ADRA1A: variants seen among roughly 807,000 people sequenced by gnomAD.
ADRA1A encodes the protein alpha-1A adrenergic receptor.
In ADRA1A, 31 loss-of-function variants were observed where a neutral mutation model predicts 29.6. The observed-to-expected ratio is 1.05, with a 90% CI of 0.79 to 1.41. The LOEUF (loss-of-function observed/expected upper bound fraction) is 1.41. Among genes scored for constraint, ADRA1A ranks in the 40% most tolerant of loss-of-function variants. The probability of loss-of-function intolerance (pLI) is 0.00; values close to 1 mark genes in which losing one functional copy is unlikely to be tolerated. For synonymous variants in ADRA1A, 311 were observed against 254.3 expected (o/e 1.22, Z -2.12); for missense variants, 619 against 601.1 (o/e 1.03, Z -0.31).
chr8:26,854,432 G>GC (rs1554512930), intron 2 of ADRA1A: 5 of 110,106 alleles, frequency 4.5e-5, no homozygotes, highest in Non-Finnish European at 7.3e-5. Flanking sequence ...GCGGGGGGGG[G>GC]GAGCAGGCAG....
At chr8:26,851,661 GA>G (rs1235688911) in intron 2 of ADRA1A, among the ~76,000 whole-genome samples, 1 of 151,966 alleles carries the variant, frequency 6.6e-6, no homozygotes, top group Non-Finnish European at 1.5e-5. Context: ...GCATATCCAG[GA>G]AAAATAATTA....
chr8:26,791,397 T>A (rs950969903), intron 2 of ADRA1A, among the ~76,000 whole-genome samples: 2 of 152,148 alleles, frequency 1.3e-5, no homozygotes, highest in Non-Finnish European at 2.9e-5. Context: ...AATTGCTCTC[T>A]GGAGAGGCTA....
chr8:26,811,833 G>A (rs780460527), intron 2 of ADRA1A, among the ~76,000 whole-genome samples: 1 of 152,134 alleles, frequency 6.6e-6, no homozygotes, highest in Non-Finnish European at 1.5e-5. Flanking sequence ...CACGTGGAAC[G>A]TACTATTTGT....
intron 2 of ADRA1A, chr8:26,853,933 G>A (rs1211083191): frequency 6.6e-6 from 1 of 151,948 alleles, no homozygotes; most frequent in Admixed American, 6.6e-5. Context: ...ATATGTATAA[G>A]GATTATAATA....
chr8:26,782,665 C>A (rs1457973814), intron 2 of ADRA1A, among the ~76,000 whole-genome samples: 3 of 152,122 alleles, frequency 2.0e-5, no homozygotes, highest in South Asian at 2.1e-4. Context: ...AAGGTCAGGG[C>A]AGCTCATTCA....
intron 2 of ADRA1A, among the ~76,000 whole-genome samples, chr8:26,782,895 CT>C (rs1213228216): frequency 6.6e-6 from 1 of 152,158 alleles, no homozygotes; most frequent in East Asian, 1.9e-4. Context: ...CTTCCTCTCA[CT>C]TGTCCAAGCC....
At chr8:26,808,512 A>G (rs1305460178) in intron 2 of ADRA1A, among the ~76,000 whole-genome samples, 1 of 152,192 alleles carries the variant, frequency 6.6e-6, no homozygotes, top group East Asian at 1.9e-4. Context: ...TTAGGACTCT[A>G]TAGATCACTT....
In ADRA1A at chr8:26,821,937, C is replaced by T. The variant is rs765376590; in HGVS notation, c.883+42150G>A. ...GAATGTTGCACATATCAATAGCTTG[C>T]TATTTTTTATTGCTAAGTAGGGGTG... On this transcript the variant is annotated intron_variant, in intron 2 of 2. Coordinates refer to ENST00000380573, the MANE Select transcript of ADRA1A (RefSeq NM_000680.4). This position sits in a 1 kb window ranked among gnomAD's most constrained non-coding sequence, Gnocchi z 5.6. Among the ~76,000 whole-genome samples the T allele has an allele frequency of 6.6e-6, 1 of 152,166 alleles. No homozygotes were observed.
chr8:26,838,760 G>T (rs1183155574), intron 2 of ADRA1A, among the ~76,000 whole-genome samples: 1 of 152,228 alleles, frequency 6.6e-6, no homozygotes, highest in Non-Finnish European at 1.5e-5. Flanking sequence ...AAGGTACTGT[G>T]TGCAAGTCCC....
intron 2 of ADRA1A, chr8:26,854,426 G>GA (rs72498072): frequency 1.7e-5 from 2 of 118,150 alleles, no homozygotes; most frequent in Admixed American, 8.4e-5. Flanking sequence ...AGCGGGGCGG[G>GA]GGGGGGGAGC....
Position 26,768,988 on chromosome 8 carries a change from T to A in ADRA1A, c.*1161A>T, listed in dbSNP as rs544991855. ...CAAACTCCTGCGTTAGACAGTTCTT[T>A]GGTGATCCATCAGTATTGTCTGAAG... is the stretch of plus-strand genomic sequence containing the variant. On this transcript the variant is annotated 3_prime_UTR_variant, in exon 3 of 3. Coordinates refer to ENST00000380573, the MANE Select transcript of ADRA1A (RefSeq NM_000680.4). The A allele has an allele frequency of 3.1e-4, 302 of 985,312 alleles. No individual in the cohort carries two copies. Among genetic ancestry groups the A allele is most frequent in the Non-Finnish European group, 3.5e-4 (293 of 829,908 alleles). The allele number at this position is 985,312 out of a possible 1,614,324, so 61.0% of individuals were successfully genotyped here.
chr8:26,853,035 C>T (rs1407092230), intron 2 of ADRA1A, among the ~76,000 whole-genome samples: 1 of 151,550 alleles, frequency 6.6e-6, no homozygotes, highest in African/African-American at 2.4e-5. Flanking sequence ...AAATCAATGT[C>T]AATGAAAAAA....
chr8:26,802,931 A>G (rs1015794651), intron 2 of ADRA1A, among the ~76,000 whole-genome samples: 10 of 152,190 alleles, frequency 6.6e-5, no homozygotes, highest in Non-Finnish European at 1.0e-4. Flanking sequence ...AACAACATGG[A>G]TGGAACTGGA....
intron 2 of ADRA1A, among the ~76,000 whole-genome samples, chr8:26,850,313 A>G (rs971528576): frequency 6.6e-6 from 1 of 152,226 alleles, no homozygotes; most frequent in Non-Finnish European, 1.5e-5. Flanking sequence ...AGGGGACCTC[A>G]CGTCATTTAT....
intron 2 of ADRA1A, among the ~76,000 whole-genome samples, chr8:26,810,857 G>A (rs1809331323): frequency 1.3e-5 from 2 of 152,004 alleles, no homozygotes; most frequent in Admixed American, 1.3e-4. Flanking sequence ...AAAGAGAATT[G>A]CCCTAATTTC....
intron 2 of ADRA1A, among the ~76,000 whole-genome samples, chr8:26,863,191 C>G (rs1813611132): frequency 6.6e-6 from 1 of 152,110 alleles, no homozygotes; most frequent in South Asian, 2.1e-4. Context: ...TTTGAGCTTA[C>G]AAACTAAAAA....
chr8:26,797,406 C>T (rs1401074427), intron 2 of ADRA1A, among the ~76,000 whole-genome samples: 1 of 152,054 alleles, frequency 6.6e-6, no homozygotes, highest in Non-Finnish European at 1.5e-5. Context: ...AAGCAATCCC[C>T]CTGACTTAGC....
downstream of ADRA1A, among the ~76,000 whole-genome samples, chr8:26,763,743 A>C (rs1313689422): frequency 6.6e-6 from 1 of 152,054 alleles, no homozygotes; most frequent in African/African-American, 2.4e-5. This position sits in a 1 kb window ranked among gnomAD's most constrained non-coding sequence, Gnocchi z 4.5. Context: ...CCATGAGCTC[A>C]CTCCGGCCTG....
chr8:26,768,143 A>G (rs1585644296), downstream of ADRA1A, among the ~76,000 whole-genome samples: 1 of 152,188 alleles, frequency 6.6e-6, no homozygotes, highest in South Asian at 2.1e-4. Context: ...CAAAACCCAA[A>G]TCCACATGCA....
Sources: allele counts gnomAD v4.1 joint callset (sites outside exome capture counted in the v4.1 genomes callset), GRCh38; gene constraint gnomAD v4.1.1; non-coding constraint Gnocchi (gnomAD v3.1); transcripts MANE v1.5; gene names NCBI Gene and HGNC (gene_info 2026-07-23, HGNC 2026-07-21).